Variants in ACADVL observed in about 807,000 individuals in gnomAD.
The protein encoded by ACADVL is very long-chain acyl-CoA dehydrogenase, mitochondrial.
In ACADVL, 73 loss-of-function variants were observed where a neutral mutation model predicts 80.4. The ratio of observed to expected loss-of-function variants is 0.91; its 90% CI spans 0.75 to 1.10. The LOEUF (loss-of-function observed/expected upper bound fraction) is 1.10. Ranked by LOEUF, ACADVL falls within the 50% of genes least tolerant of loss-of-function variation. The pLI, the probability that ACADVL is intolerant of heterozygous loss-of-function variation, is 0.00. For synonymous variants in ACADVL, 392 were observed against 326.5 expected, an observed-to-expected ratio of 1.20 and a Z score of -2.16; for missense variants, 878 against 858.9, an observed-to-expected ratio of 1.02 and a Z score of -0.28.
chr17:7,223,516 C>A, intron 11 of ACADVL, 128 bp from the exon 12 acceptor site: 2 of 1,051,938 alleles, frequency 1.9e-6, no homozygotes, highest in Non-Finnish European at 3.0e-6. Context: ...GATGAACTGA[C>A]CCAGAACAAG....
intron 6 of ACADVL, 107 bp from the exon 7 acceptor site, chr17:7,221,431 G>T (rs2071214007): frequency 2.0e-6 from 3 of 1,487,142 alleles, no homozygotes; most frequent in Non-Finnish European, 2.7e-6. Flanking sequence ...ACTGCCCTAG[G>T]TCAGGAACTG....
Position 7,224,030 on chromosome 17 carries a change from T to C in ACADVL, c.1395T>C (p.Asn465=), listed in dbSNP as rs1301241478. 9 of 1,613,848 alleles carry C rather than the reference T, an allele frequency of 5.6e-6. No individual in the cohort carries two copies. In the South Asian group the frequency reaches 8.8e-5, roughly 16 times the overall value. ...LRIFRIFEGT[N]DILRLFVALQ... ...TCTTCCGGATCTTTGAGGGGACAAA[T>C]GACATTCTTCGGCTGTTTGTGGCTC... Residue 465 remains asparagine (N), a synonymous_variant, in exon 14 of 20, where the codon AAT becomes AAC. Transcript: ENST00000356839.
Position 7,224,846 on chromosome 17 carries a change from C to T in ACADVL, c.1789C>T (p.Gln597Ter). ...CCTGAGTGAGGGCCACCCCACGGCC[C>T]AGCATGAGAAAATGCTCTGTGACAC... is the stretch of plus-strand genomic sequence containing the variant. ...RSLSEGHPTA[Q>*]HEKMLCDTWC... is the part of the protein sequence containing the mutation. The change falls in exon 19 of 20, where the codon CAG becomes TAG. Residue 597 changes from glutamine to a stop codon, truncating the protein, a stop_gained. Transcript: ENST00000356839. LOFTEE classifies it high-confidence loss of function. The T allele has an allele frequency of 6.2e-7, 1 of 1,614,072 alleles. No individual in the cohort carries two copies. The highest frequency in any genetic ancestry group is 1.1e-5 in the South Asian group (1 of 91,082).
intron 13 of ACADVL, 29 bp downstream of exon 13, chr17:7,223,904 G>C: frequency 1.2e-6 from 2 of 1,613,894 alleles, no homozygotes; most frequent in Non-Finnish European, 1.7e-6. Flanking sequence ...CAGAGCCTCG[G>C]CTGGGCCAGG....
In ACADVL at chr17:7,224,874, G is replaced by C; in HGVS notation, c.1817G>C (p.Trp606Ser). ...CATGAGAAAATGCTCTGTGACACCT[G>C]GTGTATCGAGGTGAGACTCGGGGCT... is the stretch of plus-strand genomic sequence containing the variant. ...AQHEKMLCDT[W>S]CIEAAARIRE... is the part of the protein sequence containing the mutation. Residue 606 changes from tryptophan to serine, a missense_variant, in exon 19 of 20, where the codon TGG becomes TCG. Trp to Ser is a radical substitution (Grantham distance 177, BLOSUM62 -3). Transcript: ENST00000356839. The C allele has an allele frequency of 6.2e-7, 1 of 1,614,088 alleles. No individual in the cohort carries two copies. Among genetic ancestry groups the C allele is most frequent in the Non-Finnish European group, 8.5e-7 (1 of 1,180,038 alleles).
At chr17:7,221,883 T>C in intron 7 of ACADVL, 69 bp from the exon 8 acceptor site, 1 of 1,612,022 alleles carries the variant, frequency 6.2e-7, no homozygotes. Context: ...GCTGGAGGGA[T>C]GGGGAAGTGG....
rs769631635 is a variant in ACADVL at position 7,222,054 on chromosome 17, C to T, written c.725C>T (p.Thr242Ile). ...AVPSPCGKYY[T>I]LNGSKLWISN... ...CCCAGCCCCTGTGGAAAATACTATA[C>T]CCTCAATGGAAGCAAGCTTTGGATC... The change falls in exon 8 of 20, where the codon ACC becomes ATC. Residue 242 changes from threonine (T) to isoleucine (I), a missense_variant. Coordinates refer to ENST00000356839, the MANE Select transcript of ACADVL (RefSeq NM_000018.4). The T allele has an allele frequency of 5.0e-6, 8 of 1,614,018 alleles. No individual in the cohort carries two copies. In the Admixed American group the frequency reaches 1.2e-4, roughly 24 times the overall value.
In ACADVL at chr17:7,221,697, G is replaced by A. The variant is rs915551574; in HGVS notation, c.622+15G>A. On this transcript the variant is annotated intron_variant, in intron 7 of 19. Transcript: ENST00000356839. The stretch of plus-strand genomic sequence containing the variant: ...GCTGGCATCTGGTGAGGCAACCCTA[G>A]GAGAGCCAGGGATTGGGGGGCACAC... 6.8e-6 allele frequency: 11 copies of A among 1,613,450 alleles called. No individual in the cohort carries two copies. The highest frequency in any genetic ancestry group is 8.5e-6 in the Non-Finnish European group (10 of 1,179,966).
At chr17:7,218,278 A>C (rs1342105390), upstream of ACADVL, 1 of 1,609,008 alleles carries the variant, frequency 6.2e-7, no homozygotes, top group Non-Finnish European at 8.5e-7. Context: ...ATAGTCCAGG[A>C]TGTCTGTCAC....
Position 7,220,182 on chromosome 17 carries a change from C to G in ACADVL, c.123C>G (p.Ala41=). 6.5e-7 allele frequency: 1 copy of G among 1,534,406 alleles called. No individual in the cohort carries two copies. Among genetic ancestry groups the G allele is most frequent in the Non-Finnish European group, 8.7e-7 (1 of 1,146,448 alleles). The change falls in exon 2 of 20, where the codon GCC becomes GCG. Residue 41 remains alanine, a synonymous_variant. Transcript: ENST00000356839. ...CCGGCCCTGCCCGGCGGCCCTATGC[C>G]GGGGGTGCCGCTCAGGTAAGTCACC... ...PRPGPARRPY[A]GGAAQLALDK...
Position 7,220,608 on chromosome 17 carries a change from C to G in ACADVL, c.209C>G (p.Ser70Cys). ...AATTTGCCTCTCTCTGCCCAGGAAT[C>G]TAAGTCCTTTGCTGTGGGAATGTTC... ...LTRKKPAKAE[S>C]KSFAVGMFKG... The change falls in exon 4 of 20, where the codon TCT becomes TGT. Residue 70 changes from serine to cysteine, a missense_variant. Ser to Cys is a moderately radical substitution (Grantham distance 112). Transcript: ENST00000356839. 1.2e-6 allele frequency: 2 copies of G among 1,614,236 alleles called. No individual in the cohort carries two copies. The highest frequency in any genetic ancestry group is 1.3e-5 in the African/African-American group (1 of 75,066).
In ACADVL at chr17:7,221,580, G is replaced by T. The variant is rs369560930; in HGVS notation, c.520G>T (p.Val174Leu). 6.2e-7 allele frequency: 1 copy of T among 1,614,054 alleles called. No homozygotes were observed. Among genetic ancestry groups the T allele is most frequent in the Non-Finnish European group, 8.5e-7 (1 of 1,180,018 alleles). Residue 174 changes from valine to leucine, a missense_variant, in exon 7 of 20, where the codon GTG becomes TTG. Val to Leu is a conservative substitution (Grantham distance 32). Transcript: ENST00000356839. ...VEIVGMHDLG[V>L]GITLGAHQSI... ...GATCGTGGGCATGCATGACCTTGGCGTGGGCATTACCCTGGGGGCCCATCA... is the reference window on the plus strand; with the variant it reads ...GATCGTGGGCATGCATGACCTTGGCTTGGGCATTACCCTGGGGGCCCATCA...
At chr17:7,220,705 G>A (rs1443672248) in intron 4 of ACADVL, 29 bp downstream of exon 4, 8 of 1,614,054 alleles carry the variant, frequency 5.0e-6, no homozygotes, top group East Asian at 2.2e-5. Context: ...AGAGCTGGGT[G>A]GGGCCAGGGT....
chr17:7,221,263 C>A, intron 6 of ACADVL: 1 of 985,690 alleles, frequency 1.0e-6, no homozygotes, highest in Non-Finnish European at 1.5e-6. Context: ...CCCTGGTTCC[C>A]AAGTCCTTAC....
chr17:7,219,402 CCTA>C, upstream of ACADVL: 2 of 1,015,310 alleles, frequency 2.0e-6, no homozygotes, highest in Non-Finnish European at 2.4e-6. Context: ...GGGGGGTCTT[CCTA>C]CTGTGAAACT....
At chr17:7,221,902 G>C in intron 7 of ACADVL, 50 bp from the exon 8 acceptor site, 4 of 1,613,710 alleles carry the variant, frequency 2.5e-6, no homozygotes, top group Non-Finnish European at 3.4e-6. Flanking sequence ...GGGCCGAGGG[G>C]ACTTTGAAGC....
upstream of ACADVL, chr17:7,217,504 G>C: frequency 4.3e-6 from 1 of 231,480 alleles, no homozygotes; most frequent in Non-Finnish European, 6.5e-6. Context: ...GAGCCCCGGG[G>C]TAGGGGGGGG....
Position 7,222,038 on chromosome 17 carries a change from T to C in ACADVL, c.709T>C (p.Cys237Arg), listed in dbSNP as rs1189763523. 4.3e-6 allele frequency: 7 copies of C among 1,614,088 alleles called. 1 individual carries two copies. The East Asian group carries it at 6.7e-5, about 15-fold the overall frequency. Residue 237 changes from cysteine (C) to arginine (R), a missense_variant, in exon 8 of 20, where the codon TGT becomes CGT. Transcript: ENST00000356839. ...CCGAACCTCTGCTGTGCCCAGCCCC[T>C]GTGGAAAATACTATACCCTCAATGG... is the stretch of plus-strand genomic sequence containing the variant. ...SIRTSAVPSP[C>R]GKYYTLNGSK... is the part of the protein sequence containing the mutation.
At chr17:7,221,202 A>G in intron 6 of ACADVL, 144 bp downstream of exon 6, 1 of 1,375,576 alleles carries the variant, frequency 7.3e-7, no homozygotes, top group South Asian at 1.2e-5. Context: ...TTAACTGTCC[A>G]AACATAACAC....
Sources: allele counts gnomAD v4.1 joint callset, GRCh38; gene constraint gnomAD v4.1.1; transcripts MANE v1.5; gene names NCBI Gene and HGNC (gene_info 2026-07-23, HGNC 2026-07-21).